Variants in SCP2 observed in about 807,000 individuals in gnomAD.
SCP2 encodes the protein sterol carrier protein 2.
Under a neutral mutation model 71.4 loss-of-function variants are expected in SCP2, and 48 were observed. The ratio of observed to expected loss-of-function variants is 0.67; its 90% CI spans 0.53 to 0.86. The LOEUF (loss-of-function observed/expected upper bound fraction) is 0.86, where lower values mean the gene tolerates loss of function less well. Ranked by LOEUF, SCP2 falls within the 40% of genes least tolerant of loss-of-function variation. SCP2 has a pLI of 0.00. For missense variants in SCP2, 560 were observed against 655.6 expected, an observed-to-expected ratio of 0.85 and a Z score of 1.59; for synonymous variants, 220 against 218.1, an observed-to-expected ratio of 1.01 and a Z score of -0.08.
chr1:52,956,902 CTTTTTTTTT>C (rs370787153), intron 5 of SCP2, among the ~76,000 whole-genome samples: 53 of 105,884 alleles, frequency 5.0e-4, no homozygotes, highest in East Asian at 1.9e-3. Context: ...CTCCTTCTGC[CTTTTTTTTT>C]TTTTTTTTTT....
chr1:52,982,486 C>T (rs918372413), intron 10 of SCP2, among the ~76,000 whole-genome samples: 1 of 152,084 alleles, frequency 6.6e-6, no homozygotes, highest in South Asian at 2.1e-4. Context: ...AGGAGAATGG[C>T]GTGAACCTGG....
chr1:53,027,078 A>G (rs1662186439), intron 12 of SCP2, among the ~76,000 whole-genome samples: 1 of 151,760 alleles, frequency 6.6e-6, no homozygotes, highest in Non-Finnish European at 1.5e-5. Context: ...AGCTAGGACT[A>G]CAGACACATG....
At chr1:52,971,238 A>C (rs376830315) in intron 6 of SCP2, among the ~76,000 whole-genome samples, 47 of 152,122 alleles carry the variant, frequency 3.1e-4, no homozygotes, top group African/African-American at 1.1e-3. Context: ...GGCCTCCCAA[A>C]GTGCTGGGAT....
chr1:52,994,019 G>A (rs533185323), intron 11 of SCP2: 876 of 1,203,276 alleles, frequency 7.3e-4, no homozygotes, highest in Non-Finnish European at 8.6e-4. Context: ...GTTTTCTAGC[G>A]TGACACCCTC....
At chr1:52,995,368 A>T (rs1659856093) in intron 11 of SCP2, 1 of 468,960 alleles carries the variant, frequency 2.1e-6, no homozygotes, top group Non-Finnish European at 4.3e-6. Context: ...GAAGCTGACC[A>T]CACCAAACTA....
rs1220971100 is a variant in SCP2, at chr1:53,050,970, G to T, written c.*266G>T. 1 of 280,626 alleles carries T rather than the reference G, an allele frequency of 3.6e-6. No homozygotes were observed. 17.4% of individuals were successfully genotyped at this position (280,626 alleles called of 1,614,324 possible). A position where few individuals can be genotyped will look rare whatever the true frequency, so the allele number is the denominator to read the frequency against. ...TGGTCTGGGGTAAAATTGAGTTTCA[G>T]AATAAAATTAGGAACAGTAAAATCC... On this transcript the variant is annotated 3_prime_UTR_variant, in exon 16 of 16. Transcript: ENST00000371514.
At chr1:53,046,000 A>G (rs1028071597) in intron 14 of SCP2, among the ~76,000 whole-genome samples, 1 of 152,196 alleles carries the variant, frequency 6.6e-6, no homozygotes, top group African/African-American at 2.4e-5. Context: ...ATGCTGTTGC[A>G]TGGATCATGA....
intron 12 of SCP2, among the ~76,000 whole-genome samples, chr1:53,021,585 G>T (rs953822577): frequency 4.7e-4 from 71 of 151,282 alleles, no homozygotes; most frequent in African/African-American, 1.6e-3. Context: ...CTCCCAAAGT[G>T]CTGGGATTAC....
intron 6 of SCP2, among the ~76,000 whole-genome samples, chr1:52,973,893 C>T (rs576389779): frequency 4.6e-5 from 7 of 152,264 alleles, no homozygotes; most frequent in Admixed American, 2.6e-4. Context: ...TGAGCCATCG[C>T]GCTTGGCCCT....
chr1:53,042,732 G>T (rs1663524664), intron 14 of SCP2, among the ~76,000 whole-genome samples: 1 of 152,194 alleles, frequency 6.6e-6, no homozygotes, highest in Admixed American at 6.5e-5. Flanking sequence ...AGAATTGCTA[G>T]TTCATTTGGC....
At chr1:52,940,708 T>G (rs1464463064) in intron 1 of SCP2, among the ~76,000 whole-genome samples, 1 of 152,236 alleles carries the variant, frequency 6.6e-6, no homozygotes, top group African/African-American at 2.4e-5. Flanking sequence ...TTGTTATCAT[T>G]GTTTGGACCT....
chr1:52,938,517 G>T (rs564605614), intron 1 of SCP2, among the ~76,000 whole-genome samples: 2 of 152,092 alleles, frequency 1.3e-5, no homozygotes, highest in Non-Finnish European at 1.5e-5. Flanking sequence ...TCAGAATTAT[G>T]CTAGTTGGTC....
chr1:52,932,384 A>G (rs559650681), intron 1 of SCP2, among the ~76,000 whole-genome samples: 1 of 152,320 alleles, frequency 6.6e-6, no homozygotes, highest in South Asian at 2.1e-4. Context: ...CCTAATAAAT[A>G]ATCCAAATTT....
intron 12 of SCP2, among the ~76,000 whole-genome samples, chr1:53,025,958 T>G (rs950916483): frequency 1.3e-5 from 2 of 152,234 alleles, no homozygotes; most frequent in African/African-American, 4.8e-5. Flanking sequence ...ATAGAGACTC[T>G]GGTCTTATTT....
At chr1:53,035,105 C>G (rs1177115313) in intron 13 of SCP2, among the ~76,000 whole-genome samples, 1 of 120,858 alleles carries the variant, frequency 8.3e-6, no homozygotes. Flanking sequence ...GACTCTGTCT[C>G]AAAGAAAAAA....
chr1:52,954,588 A>G (rs555129247), intron 4 of SCP2, 152 bp from the exon 5 acceptor site: 8 of 703,190 alleles, frequency 1.1e-5, no homozygotes, highest in African/African-American at 3.5e-5. Flanking sequence ...GACCTCAAGC[A>G]GTTTATCTGC....
chr1:53,031,096 C>T (rs1662516625), intron 13 of SCP2, among the ~76,000 whole-genome samples: 1 of 151,600 alleles, frequency 6.6e-6, no homozygotes. Flanking sequence ...AGGATAGTGG[C>T]GTCTGACAAG....
intron 1 of SCP2, among the ~76,000 whole-genome samples, chr1:52,930,515 A>G (rs1257602499): frequency 1.3e-5 from 2 of 151,830 alleles, no homozygotes; most frequent in Non-Finnish European, 2.9e-5. Flanking sequence ...AGTCCCAACC[A>G]CTCGGGAGGC....
At chr1:52,999,632 T>G (rs1485368688) in intron 11 of SCP2, among the ~76,000 whole-genome samples, 3 of 152,234 alleles carry the variant, frequency 2.0e-5, no homozygotes, top group Non-Finnish European at 4.4e-5. Flanking sequence ...TCATTGTTAG[T>G]TTAAAAACAT....
Sources: gnomAD v4.1 joint callset for allele counts (sites outside exome capture counted in the v4.1 genomes callset) on GRCh38, gnomAD v4.1.1 for gene constraint, MANE v1.5 for transcripts, NCBI Gene and HGNC (gene_info 2026-07-23, HGNC 2026-07-21) for gene names.